The following SLC16A7 variants were observed in gnomAD, a reference collection of about 807,000 sequenced individuals.
SLC16A7 encodes solute carrier family 16 member 7.
SLC16A7 carries 33 observed loss-of-function variants against 34.9 expected under a neutral mutation model. The ratio of observed to expected loss-of-function variants is 0.94; its 90% confidence interval spans 0.72 to 1.26. SLC16A7 has a LOEUF of 1.26. Among genes scored for constraint, SLC16A7 ranks in the 50% most tolerant of loss-of-function variants. The pLI, the probability that SLC16A7 is intolerant of heterozygous loss-of-function variation, is 0.00. For synonymous variants in SLC16A7, 201 were observed against 206.6 expected (o/e 0.97, Z 0.23); for missense variants, 573 against 578.1 (o/e 0.99, Z 0.09).
intron 1 of SLC16A7, among the ~76,000 whole-genome samples, chr12:59,642,937 G>C (rs141169439): frequency 1.3e-5 from 2 of 152,070 alleles, no homozygotes; most frequent in Admixed American, 6.6e-5. Context: ...ATGTTGGAAA[G>C]TTTATTGTAG....
intron 2 of SLC16A7, among the ~76,000 whole-genome samples, chr12:59,687,715 C>T (rs1212613915): frequency 6.6e-6 from 1 of 152,092 alleles, no homozygotes; most frequent in Admixed American, 6.6e-5. Context: ...AGCTAACCGT[C>T]AAACATTTTC....
chr12:59,671,182 A>G (rs1036407628), intron 2 of SLC16A7, among the ~76,000 whole-genome samples: 2 of 152,096 alleles, frequency 1.3e-5, no homozygotes, highest in African/African-American at 4.8e-5. Flanking sequence ...ACAATATTTT[A>G]TTGATATCAT....
intron 2 of SLC16A7, among the ~76,000 whole-genome samples, chr12:59,658,133 G>A (rs1432233463): frequency 6.6e-6 from 1 of 151,908 alleles, no homozygotes; most frequent in Admixed American, 6.6e-5. Flanking sequence ...TTGAGTCTGT[G>A]GTTAAGAAAC....
chr12:59,616,689 A>G (rs1592394920), intron 1 of SLC16A7, among the ~76,000 whole-genome samples: 1 of 152,278 alleles, frequency 6.6e-6, no homozygotes, highest in East Asian at 1.9e-4. Context: ...GAATGACACA[A>G]GAGAACTGGG....
At chr12:59,700,852 A>T (rs939658516) in intron 2 of SLC16A7, among the ~76,000 whole-genome samples, 2 of 151,748 alleles carry the variant, frequency 1.3e-5, no homozygotes, top group Non-Finnish European at 3.0e-5. Flanking sequence ...TTTCACATTC[A>T]GCCCCAACTA....
At chr12:59,672,456 GC>G (rs1185100441) in intron 2 of SLC16A7, among the ~76,000 whole-genome samples, 2 of 150,922 alleles carry the variant, frequency 1.3e-5, no homozygotes, top group Non-Finnish European at 3.0e-5. Context: ...AGTACTTAGA[GC>G]CCCCTCTACC....
rs567459331 is a variant in SLC16A7 at position 59,774,999 on chromosome 12, A to T, written c.704A>T (p.Lys235Met). The T allele has an allele frequency of 6.2e-7, 1 of 1,613,764 alleles. No homozygotes were observed. The highest frequency in any genetic ancestry group is 2.2e-5 in the East Asian group (1 of 44,862). Residue 235 changes from lysine (K) to methionine (M), a missense_variant, in exon 5 of 6, where the codon AAG becomes ATG. Coordinates refer to ENST00000547379, the MANE Select transcript of SLC16A7 (RefSeq NM_001270623.2). Reference protein sequence around the residue: ...TKKSTWEKVNKYLDFSLFKHR... With the variant: ...TKKSTWEKVNMYLDFSLFKHR... ...AAATCAACTTGGGAAAAAGTTAATA[A>T]GTATTTAGATTTCTCCCTTTTTAAG...
intron 3 of SLC16A7, chr12:59,719,855 G>T: frequency 2.2e-6 from 1 of 449,618 alleles, no homozygotes; most frequent in Non-Finnish European, 3.9e-6. Flanking sequence ...AAGCTCCATG[G>T]CCTCCCACGG....
At chr12:59,659,703 A>G (rs1476499157) in intron 2 of SLC16A7, among the ~76,000 whole-genome samples, 1 of 152,084 alleles carries the variant, frequency 6.6e-6, no homozygotes, top group Non-Finnish European at 1.5e-5. Flanking sequence ...TTATCATCAA[A>G]ACTTAGGCTT....
chr12:59,777,473 C>CTT (rs1211012593), intron 5 of SLC16A7, among the ~76,000 whole-genome samples: 1 of 152,018 alleles, frequency 6.6e-6, no homozygotes, highest in Non-Finnish European at 1.5e-5. Flanking sequence ...TGTGTGGTTT[C>CTT]TATTTCATAT....
intron 1 of SLC16A7, among the ~76,000 whole-genome samples, chr12:59,606,883 T>TACAC (rs1197912429): frequency 6.6e-6 from 1 of 152,094 alleles, no homozygotes; most frequent in Non-Finnish European, 1.5e-5. Context: ...ATTATATATA[T>TACAC]ACACACACCC....
Position 59,781,782 on chromosome 12 carries a change from A to G in SLC16A7, c.*2103A>G, listed in dbSNP as rs1384435504. ...TCCAATCATAAATTTTCAAAAAAAAATTCTACTTTCCAAAAAGTGTCTTGA... is the reference window on the plus strand; with the variant it reads ...TCCAATCATAAATTTTCAAAAAAAAGTTCTACTTTCCAAAAAGTGTCTTGA... On this transcript the variant is annotated 3_prime_UTR_variant, in exon 6 of 6. Coordinates refer to ENST00000547379, the MANE Select transcript of SLC16A7 (RefSeq NM_001270623.2). 6.6e-6 allele frequency: 1 copy of G among 152,422 alleles called. No individual in the cohort carries two copies. Among genetic ancestry groups the G allele is most frequent in the Non-Finnish European group, 1.5e-5 (1 of 68,034 alleles). 9.4% of individuals were successfully genotyped at this position (152,422 alleles called of 1,614,324 possible).
intron 3 of SLC16A7, among the ~76,000 whole-genome samples, chr12:59,762,111 A>G (rs542755842): frequency 5.9e-4 from 89 of 152,118 alleles, no homozygotes; most frequent in Non-Finnish European, 1.1e-3. Flanking sequence ...AGGAGAACAA[A>G]TGGAGAGGGT....
At chr12:59,766,432 G>A (rs1881638787) in intron 3 of SLC16A7, among the ~76,000 whole-genome samples, 1 of 152,090 alleles carries the variant, frequency 6.6e-6, no homozygotes, top group Admixed American at 6.6e-5. Flanking sequence ...AATGCTTCCA[G>A]TTTTTGCCCA....
intron 3 of SLC16A7, among the ~76,000 whole-genome samples, chr12:59,715,491 T>G (rs1874790090): frequency 1.3e-5 from 2 of 152,164 alleles, no homozygotes; most frequent in South Asian, 4.1e-4. Context: ...ACAGAAGAAT[T>G]ACCAACTAAA....
At chr12:59,623,883 A>G in intron 1 of SLC16A7, among the ~76,000 whole-genome samples, 1 of 151,470 alleles carries the variant, frequency 6.6e-6, no homozygotes. Flanking sequence ...TTTATTATAG[A>G]TTTCATTCAT....
rs1455020767 is a variant in SLC16A7, at chr12:59,780,370, C to T, written c.*691C>T. On this transcript the variant is annotated 3_prime_UTR_variant, in exon 6 of 6. Transcript: ENST00000547379. ...CATCTGACTACTATAAAAATATTTG[C>T]ATATATAAGTTTGACAAAGAAAAGA... 6.6e-6 allele frequency: 1 copy of T among 151,974 alleles called. No homozygotes were observed. Among genetic ancestry groups the T allele is most frequent in the African/African-American group, 2.4e-5 (1 of 41,396 alleles). 9.4% of individuals were successfully genotyped at this position (151,974 alleles called of 1,614,324 possible). A position where few individuals can be genotyped will look rare whatever the true frequency, so the allele number is the denominator to read the frequency against.
chr12:59,663,682 T>C (rs996476187), intron 2 of SLC16A7, among the ~76,000 whole-genome samples: 1 of 152,124 alleles, frequency 6.6e-6, no homozygotes, highest in African/African-American at 2.4e-5. Flanking sequence ...AACCTCAGTT[T>C]ATGTCTGATT....
intron 3 of SLC16A7, among the ~76,000 whole-genome samples, chr12:59,770,024 A>T (rs1259879861): frequency 1.3e-5 from 2 of 152,116 alleles, no homozygotes; most frequent in Non-Finnish European, 2.9e-5. Context: ...GTTAAGTTAC[A>T]CTGTTATTTT....
Sources: allele counts gnomAD v4.1 joint callset (sites outside exome capture counted in the v4.1 genomes callset), GRCh38; gene constraint gnomAD v4.1.1; transcripts MANE v1.5; gene names NCBI Gene and HGNC (gene_info 2026-07-23, HGNC 2026-07-21).